The following SV2C variants were observed in gnomAD, a reference collection of about 807,000 sequenced individuals.
SV2C encodes solute carrier family 22 member B3.
SV2C carries 49 observed loss-of-function variants against 79.7 expected under a neutral mutation model. The observed-to-expected ratio is 0.61, with a 90% CI of 0.49 to 0.78. The LOEUF (loss-of-function observed/expected upper bound fraction) is 0.78, where lower values mean the gene tolerates loss of function less well. SV2C is among the 30% of genes least tolerant of loss of function. The probability of loss-of-function intolerance (pLI) is 0.00; values close to 1 mark genes in which losing one functional copy is unlikely to be tolerated. For missense variants in SV2C, 833 were observed against 912.9 expected (o/e 0.91, Z 1.13); for synonymous variants, 334 against 333.2 (o/e 1.00, Z -0.03).
At position 76,205,861 on chromosome 5, in the gene SV2C, T is replaced by C. The variant is rs143112582; in HGVS notation, c.762-3875T>C. Among the ~76,000 whole-genome samples, 348 of 152,280 alleles carry C rather than the reference T, an allele frequency of 2.3e-3. 3 individuals are homozygous for C. Among genetic ancestry groups the C allele is most frequent in the African/African-American group, 6.3e-3 (262 of 41,548 alleles). On this transcript the variant is annotated intron_variant, in intron 3 of 12. Transcript: ENST00000502798. ...GTGAGTTGTAGGGTGTTTAGCAGCGTCTCTGGCCTCTACCCTCTAGATGTC... is the reference window on the plus strand; with the variant it reads ...GTGAGTTGTAGGGTGTTTAGCAGCGCCTCTGGCCTCTACCCTCTAGATGTC...
chr5:76,177,335 T>C (rs1201174392), intron 2 of SV2C, among the ~76,000 whole-genome samples: 1 of 151,384 alleles, frequency 6.6e-6, no homozygotes, highest in African/African-American at 2.4e-5. Flanking sequence ...CCCTTATATG[T>C]TCCAGGACCC....
the SV2C span, among the ~76,000 whole-genome samples, chr5:75,940,362 C>T: frequency 9.4e-4 from 141 of 150,676 alleles, no homozygotes; most frequent in African/African-American, 3.3e-3. Flanking sequence ...ACTTCAGCCT[C>T]GATGACAGAG....
At chr5:76,352,175 T>C (rs911248122) in intron 12 of SV2C, among the ~76,000 whole-genome samples, 3 of 152,134 alleles carry the variant, frequency 2.0e-5, no homozygotes, top group African/African-American at 7.2e-5. Flanking sequence ...CTTGCGCCAT[T>C]GCACTCCAGC....
chr5:76,059,887 G>A, the SV2C span, among the ~76,000 whole-genome samples: 1 of 152,096 alleles, frequency 6.6e-6, no homozygotes, highest in East Asian at 1.9e-4. Context: ...AAACTGAAGT[G>A]ACTCTGATCT....
the SV2C span, among the ~76,000 whole-genome samples, chr5:76,030,783 A>T: frequency 0.019 from 2,909 of 151,848 alleles, 83 homozygotes; most frequent in African/African-American, 0.065. Flanking sequence ...AAAGAAAAAG[A>T]AAAAAAAGAA....
chr5:75,853,000 G>A, the SV2C span, among the ~76,000 whole-genome samples: 1 of 152,108 alleles, frequency 6.6e-6, no homozygotes, highest in Non-Finnish European at 1.5e-5. Flanking sequence ...TTTTCGAAAG[G>A]CATTTGACTA....
At chr5:76,054,462 A>G in the SV2C span, among the ~76,000 whole-genome samples, 1 of 152,192 alleles carries the variant, frequency 6.6e-6, no homozygotes, top group East Asian at 1.9e-4. Flanking sequence ...ATATGTGTGC[A>G]TGGGTCTTTA....
chr5:76,308,608 T>C (rs1748293135), intron 12 of SV2C, among the ~76,000 whole-genome samples: 1 of 152,208 alleles, frequency 6.6e-6, no homozygotes, highest in African/African-American at 2.4e-5. Context: ...GAGCAGGCTT[T>C]GGTTGTGGCT....
chr5:76,066,039 G>A, the SV2C span, among the ~76,000 whole-genome samples: 59 of 152,190 alleles, frequency 3.9e-4, no homozygotes, highest in African/African-American at 1.4e-3. Flanking sequence ...GACCTTTCCT[G>A]ACATTTTAGA....
the SV2C span, among the ~76,000 whole-genome samples, chr5:75,900,724 A>G: frequency 2.6e-5 from 4 of 152,132 alleles, no homozygotes; most frequent in East Asian, 1.9e-4. Flanking sequence ...TTGTACACCA[A>G]TCAGATGTAG....
intron 1 of SV2C, among the ~76,000 whole-genome samples, chr5:76,130,941 C>A (rs1748868967): frequency 6.6e-6 from 1 of 152,110 alleles, no homozygotes; most frequent in Non-Finnish European, 1.5e-5. Flanking sequence ...TCTGAAAGGG[C>A]AGACTCCCAC....
At chr5:75,942,912 C>G in the SV2C span, among the ~76,000 whole-genome samples, 1 of 152,142 alleles carries the variant, frequency 6.6e-6, no homozygotes. Flanking sequence ...TGTCTGTAAT[C>G]CCAACTACTA....
the SV2C span, among the ~76,000 whole-genome samples, chr5:75,953,153 G>A: frequency 6.6e-6 from 1 of 152,016 alleles, no homozygotes; most frequent in Non-Finnish European, 1.5e-5. Context: ...ACAGCATATG[G>A]TGAGAGAGAA....
At chr5:76,353,300 AG>A (rs899811119) in exon 13 of SV2C, 71 of 265,422 alleles carry the variant, frequency 2.7e-4, no homozygotes, top group Non-Finnish European at 2.5e-4. Flanking sequence ...ATATTATACA[AG>A]GTCTTGCTAA....
rs564059138 is a variant in SV2C, at chr5:76,206,671, C to T, written c.762-3065C>T. ...TCAGTTCTTTTGCGTAAACACTTAGCACATGTCCACTGGGCCAGTTAATGG... is the reference window on the plus strand; with the variant it reads ...TCAGTTCTTTTGCGTAAACACTTAGTACATGTCCACTGGGCCAGTTAATGG... On this transcript the variant is annotated intron_variant, in intron 3 of 12. Transcript: ENST00000502798. 4.6e-5 allele frequency among the ~76,000 whole-genome samples: 7 copies of T among 152,308 alleles called. No homozygotes were observed. In the East Asian group the frequency reaches 1.3e-3, roughly 29 times the overall value.
At chr5:76,157,634 A>AATAATAGC (rs70979376) in intron 2 of SV2C, among the ~76,000 whole-genome samples, 69,043 of 151,196 alleles carry the variant, frequency 0.46, 15,984 homozygotes, top group South Asian at 0.52. Flanking sequence ...CATATTTGCT[A>AATAATAGC]ACAAAGGAGG....
At chr5:76,013,869 G>A in the SV2C span, among the ~76,000 whole-genome samples, 4 of 152,090 alleles carry the variant, frequency 2.6e-5, no homozygotes, top group African/African-American at 4.8e-5. Context: ...AAGGCTCTGC[G>A]AGAAACAAAG....
At chr5:76,204,750 C>A (rs1744559369) in intron 3 of SV2C, among the ~76,000 whole-genome samples, 1 of 152,166 alleles carries the variant, frequency 6.6e-6, no homozygotes, top group East Asian at 1.9e-4. Flanking sequence ...ATTGAAGAAA[C>A]CTAAACCCCT....
the SV2C span, chr5:76,075,524 G>A: frequency 5.9e-6 from 1 of 169,216 alleles, no homozygotes; most frequent in African/African-American, 2.4e-5. Context: ...GAGCTTGTCA[G>A]AAGAAGATGG....
Sources: gnomAD v4.1 joint callset for allele counts (sites outside exome capture counted in the v4.1 genomes callset) on GRCh38, gnomAD v4.1.1 for gene constraint, MANE v1.5 for transcripts, NCBI Gene and HGNC (gene_info 2026-07-23, HGNC 2026-07-21) for gene names.